The following COL17A1 variants were observed in gnomAD, a reference collection of about 807,000 sequenced individuals.
COL17A1 encodes the protein collagen type XVII alpha 1 chain.
Under a neutral mutation model 218.4 loss-of-function variants are expected in COL17A1, and 181 were observed. The ratio of observed to expected loss-of-function variants is 0.83; its 90% CI spans 0.73 to 0.94. The LOEUF (loss-of-function observed/expected upper bound fraction) is 0.94, where lower values mean the gene tolerates loss of function less well. Among genes scored for constraint, COL17A1 ranks in the 40% least tolerant of loss-of-function variants. The probability of loss-of-function intolerance (pLI) is 0.00; values close to 1 mark genes in which losing one functional copy is unlikely to be tolerated. For synonymous variants in COL17A1, 721 were observed against 731.0 expected (o/e 0.99, Z 0.22); for missense variants, 1,924 against 1,945.9 (o/e 0.99, Z 0.21).
At chr10:104,073,027 C>A (rs993112661) in intron 7 of COL17A1, among the ~76,000 whole-genome samples, 183 bp downstream of exon 7, 3 of 152,124 alleles carry the variant, frequency 2.0e-5, no homozygotes, top group African/African-American at 4.8e-5. Context: ...CAAAAGCTAC[C>A]CTTCCCCTCC....
Position 104,034,271 on chromosome 10 carries a change from CCA to C in COL17A1, c.3828_3829del (p.Asp1278GlnfsTer14), listed in dbSNP as rs1564669871. 4.4e-6 allele frequency: 7 copies of C among 1,597,912 alleles called. No individual in the cohort carries two copies. The highest frequency in any genetic ancestry group is 2.7e-5 in the African/African-American group (2 of 74,604). ...ATCCGTGGACAGGAGGCGGCTGTCCCCAGGGGGTCCCTGCGGCCCAGGAGGGC... is the reference window on the plus strand; with the variant it reads ...ATCCGTGGACAGGAGGCGGCTGTCCCGGGGGTCCCTGCGGCCCAGGAGGGC... On this transcript the variant is annotated frameshift_variant, in exon 52 of 56. Coordinates refer to ENST00000648076, the MANE Select transcript of COL17A1 (RefSeq NM_000494.4). LOFTEE classifies it high-confidence loss of function.
chr10:104,072,732 G>C (rs1367199303), intron 7 of COL17A1, among the ~76,000 whole-genome samples: 2 of 152,206 alleles, frequency 1.3e-5, no homozygotes, highest in East Asian at 3.9e-4. Context: ...CTTCTCCCAG[G>C]ACCACATTTC....
At chr10:104,048,047 G>C in intron 30 of COL17A1, 22 bp downstream of exon 30, 1 of 1,614,110 alleles carries the variant, frequency 6.2e-7, no homozygotes, top group Non-Finnish European at 8.5e-7. Flanking sequence ...GTGAGGCTGG[G>C]GGCAGCAGAT....
At chr10:104,078,724 G>A (rs2086734089) in intron 2 of COL17A1, 138 bp from the exon 3 acceptor site, 1 of 1,193,900 alleles carries the variant, frequency 8.4e-7, no homozygotes, top group Non-Finnish European at 1.2e-6. Context: ...GTGCTTTAAG[G>A]TGTGTGATCT....
Position 104,049,421 on chromosome 10 carries a change from T to C in COL17A1, c.2215A>G (p.Lys739Glu). The C allele has an allele frequency of 6.2e-7, 1 of 1,614,194 alleles. No individual in the cohort carries two copies. The highest frequency in any genetic ancestry group is 8.5e-7 in the Non-Finnish European group (1 of 1,180,008). ...LPGAVGEPGA[K>E]GAMGPAGPDG... is the part of the protein sequence containing the mutation. ...TTGGAACACTTACCCATTGCTCCTTTAGCCCCGGGCTCACCAACAGCACCA... is the reference window on the plus strand; with the variant it reads ...TTGGAACACTTACCCATTGCTCCTTCAGCCCCGGGCTCACCAACAGCACCA... Residue 739 changes from lysine to glutamate, a missense_variant, in exon 29 of 56, where the codon AAA (lysine) becomes GAA (glutamate). Transcript: ENST00000648076.
intron 20 of COL17A1, 87 bp downstream of exon 20, chr10:104,054,894 C>T (rs990591755): frequency 3.6e-5 from 57 of 1,597,620 alleles, no homozygotes; most frequent in Non-Finnish European, 4.4e-5. Context: ...TCTTGGAGTG[C>T]AAGGTGGGTT....
In COL17A1 at chr10:104,035,567, G is replaced by A. The variant is rs1345233547; in HGVS notation, c.3419-4C>T. The A allele has an allele frequency of 1.2e-6, 2 of 1,611,904 alleles. No homozygotes were observed. The highest frequency in any genetic ancestry group is 3.3e-5 in the Admixed American group (2 of 59,812). On this transcript the variant is annotated splice_region_variant and splice_polypyrimidine_tract_variant and intron_variant, in intron 48 of 55. Coordinates refer to ENST00000648076, the MANE Select transcript of COL17A1 (RefSeq NM_000494.4). ...AGCCCAATGCTGATCCCAGAACCTA[G>A]GGAGGTGATGGATTCAGATCAGGCA...
chr10:104,062,195 T>G, intron 12 of COL17A1, 63 bp downstream of exon 12: 1 of 1,613,482 alleles, frequency 6.2e-7, no homozygotes, highest in African/African-American at 1.3e-5. Context: ...CCTAATTCAG[T>G]GAGTTGTAGC....
intron 48 of COL17A1, among the ~76,000 whole-genome samples, chr10:104,036,105 A>AGTATGGGAGTGTGAGTATGG (rs2086291238): frequency 3.6e-3 from 3 of 826 alleles, no homozygotes; most frequent in Non-Finnish European, 7.1e-3. Flanking sequence ...TGTGTATGGG[A>AGTATGGGAGTGTGAGTATGG]GTGTGTGTGT....
At chr10:104,059,990 G>A in intron 14 of COL17A1, 129 bp downstream of exon 14, 1 of 1,463,982 alleles carries the variant, frequency 6.8e-7, no homozygotes, top group Non-Finnish European at 9.3e-7. Flanking sequence ...TCAGACAGGT[G>A]CTTTTCATTA....
rs936960389 is a variant in COL17A1, at chr10:104,080,520, C to T, written c.52+102G>A. On this transcript the variant is annotated intron_variant, in intron 2 of 55. Coordinates refer to ENST00000648076, the MANE Select transcript of COL17A1 (RefSeq NM_000494.4). ...TTTAGGAACACACTTAAACATGATA[C>T]AGTGGTTGTGGTAGAATTATTAATG... 8.2e-6 allele frequency: 11 copies of T among 1,345,776 alleles called. No homozygotes were observed. The Admixed American group carries it at 1.8e-4, about 22-fold the overall frequency. 83.4% of individuals were successfully genotyped at this position (1,345,776 alleles called of 1,614,324 possible). A position where few individuals can be genotyped will look rare whatever the true frequency, so the allele number is the denominator to read the frequency against.
intron 22 of COL17A1, 62 bp downstream of exon 22, chr10:104,053,858 A>C (rs1412221679): frequency 1.0e-6 from 1 of 978,166 alleles, no homozygotes; most frequent in Non-Finnish European, 1.6e-6. Flanking sequence ...GCACTTAATG[A>C]ATGTTTATTA....
At chr10:104,065,825 A>T (rs1161693577) in intron 9 of COL17A1, among the ~76,000 whole-genome samples, 2 of 152,240 alleles carry the variant, frequency 1.3e-5, no homozygotes, top group African/African-American at 4.8e-5. Flanking sequence ...AGGCCTGCCA[A>T]GGCGTGGTTG....
intron 48 of COL17A1, among the ~76,000 whole-genome samples, chr10:104,035,930 G>T (rs974842194): frequency 5.0e-5 from 7 of 139,974 alleles, no homozygotes; most frequent in African/African-American, 2.0e-4. Context: ...GAGTGTGTGT[G>T]TATGGGAGTG....
rs1237722109 is a variant in COL17A1 at position 104,042,433 on chromosome 10, G to A, written c.2538C>T (p.Leu846=). The part of the protein sequence containing the change: ...GAPGPAGPAG[L]PGHQEVLNLQ... ...GGTGTGACATACCTTGATGTCCTGG[G>A]AGACCAGCTGGGCCGGCAGGGCCTG... The change falls in exon 36 of 56, where the codon CTC becomes CTT. Residue 846 remains leucine, a synonymous_variant. Coordinates refer to ENST00000648076, the MANE Select transcript of COL17A1 (RefSeq NM_000494.4). 1.9e-6 allele frequency: 3 copies of A among 1,614,078 alleles called. No individual in the cohort carries two copies. The African/African-American group carries it at 4.0e-5, about 22-fold the overall frequency.
chr10:104,068,364 C>T (rs1472975669), intron 9 of COL17A1, among the ~76,000 whole-genome samples: 1 of 152,156 alleles, frequency 6.6e-6, no homozygotes, highest in Non-Finnish European at 1.5e-5. Context: ...CACCCCATTA[C>T]ATAATGGGAT....
intron 51 of COL17A1, 50 bp downstream of exon 51, chr10:104,034,571 A>G (rs2086255380): frequency 6.3e-7 from 1 of 1,591,090 alleles, no homozygotes. Context: ...TTACAGGGAA[A>G]AGCAAGGCCT....
At chr10:104,048,171 G>C in intron 29 of COL17A1, 67 bp from the exon 30 acceptor site, 1 of 1,562,150 alleles carries the variant, frequency 6.4e-7, no homozygotes, top group Non-Finnish European at 8.8e-7. Flanking sequence ...TCCCTCTACT[G>C]TCCCAGTGGC....
intron 38 of COL17A1, 67 bp downstream of exon 38, chr10:104,041,236 C>G: frequency 6.2e-7 from 1 of 1,602,910 alleles, no homozygotes; most frequent in African/African-American, 1.3e-5. Context: ...GCCCTGGGCT[C>G]AGGGTCCCAT....
Sources: gnomAD v4.1 joint callset for allele counts (sites outside exome capture counted in the v4.1 genomes callset) on GRCh38, gnomAD v4.1.1 for gene constraint, MANE v1.5 for transcripts, NCBI Gene and HGNC (gene_info 2026-07-23, HGNC 2026-07-21) for gene names.